The following BPGM variants were observed in gnomAD, a reference collection of about 807,000 sequenced individuals.
The protein encoded by BPGM is 2,3-bisphosphoglycerate mutase, erythrocyte.
Under a neutral mutation model 21.6 loss-of-function variants are expected in BPGM, and 15 were observed. That is an observed-to-expected ratio of 0.70 (90% CI 0.47 to 1.07). The LOEUF (loss-of-function observed/expected upper bound fraction) is 1.07. BPGM is among the 50% of genes least tolerant of loss of function. The pLI is 0.00. For missense variants in BPGM, 273 were observed against 319.0 expected (o/e 0.86, Z 1.10); for synonymous variants, 113 against 116.2 (o/e 0.97, Z 0.18).
chr7:134,648,520 G>A (rs979541344), intron 1 of BPGM, among the ~76,000 whole-genome samples: 3 of 152,050 alleles, frequency 2.0e-5, no homozygotes, highest in Admixed American at 6.6e-5. Flanking sequence ...CTCATACACC[G>A]CAGATGCTCC....
chr7:134,657,788 C>T (rs1226075545), intron 1 of BPGM, among the ~76,000 whole-genome samples: 1 of 152,092 alleles, frequency 6.6e-6, no homozygotes, highest in East Asian at 1.9e-4. Context: ...TGAGGGAGGG[C>T]TGTAAAGGTG....
chr7:134,670,657 A>T (rs7779226), intron 2 of BPGM, among the ~76,000 whole-genome samples: 84,832 of 151,848 alleles, frequency 0.56, 24,614 homozygotes, highest in East Asian at 0.77. Flanking sequence ...CTGAATCTCT[A>T]GTTTCAGCTC....
At chr7:134,649,171 ATTG>A (rs1249903813) in intron 1 of BPGM, among the ~76,000 whole-genome samples, 1 of 146,016 alleles carries the variant, frequency 6.8e-6, no homozygotes, top group Non-Finnish European at 1.5e-5. Flanking sequence ...TTACAATTAA[ATTG>A]TTTTTTTTTT....
rs959819366 is a variant in BPGM, at chr7:134,673,879, A to T, written c.602-4974A>T. Reference sequence around the variant, plus strand: ...AGTCCTGTGAGTAGAGCAGGTTTTTATTTAACCACTCTGGATCTGTTTCCT... The same window carrying T: ...AGTCCTGTGAGTAGAGCAGGTTTTTTTTTAACCACTCTGGATCTGTTTCCT... On this transcript the variant is annotated intron_variant, in intron 2 of 2. Transcript: ENST00000344924. Among the ~76,000 whole-genome samples, 3 of 120,908 alleles carry T rather than the reference A, an allele frequency of 2.5e-5. No individual in the cohort carries two copies. In the East Asian group the frequency reaches 6.8e-4, roughly 27 times the overall value. The allele number at this position is 120,908 out of a possible 152,430, so 79.3% of individuals were successfully genotyped here.
intron 1 of BPGM, among the ~76,000 whole-genome samples, chr7:134,650,174 GT>G (rs1795533805): frequency 6.6e-6 from 1 of 152,188 alleles, no homozygotes; most frequent in Non-Finnish European, 1.5e-5. Flanking sequence ...GGTGGACACA[GT>G]TTGTGTTGAT....
chr7:134,658,261 C>T (rs1477470992), intron 1 of BPGM: 1 of 152,054 alleles, frequency 6.6e-6, no homozygotes. Context: ...CATTTATTTA[C>T]TCAAAGTTTC....
At chr7:134,655,394 A>G (rs1366694500) in intron 1 of BPGM, among the ~76,000 whole-genome samples, 1 of 152,078 alleles carries the variant, frequency 6.6e-6, no homozygotes, top group Admixed American at 6.6e-5. Context: ...GGAACTGGAG[A>G]TACCCCTGTG....
chr7:134,671,420 G>A (rs1377202002), intron 2 of BPGM, among the ~76,000 whole-genome samples: 2 of 146,742 alleles, frequency 1.4e-5, no homozygotes, highest in Non-Finnish European at 3.0e-5. Context: ...GGAGTGCAGT[G>A]GTGCAATCTG....
chr7:134,672,991 G>A (rs1464935844), intron 2 of BPGM, among the ~76,000 whole-genome samples: 1 of 152,064 alleles, frequency 6.6e-6, no homozygotes, highest in Non-Finnish European at 1.5e-5. Context: ...TGGCTAACAT[G>A]GTGAAACCCC....
At chr7:134,673,680 G>T (rs918313859) in intron 2 of BPGM, among the ~76,000 whole-genome samples, 1 of 152,166 alleles carries the variant, frequency 6.6e-6, no homozygotes, top group Non-Finnish European at 1.5e-5. Context: ...ACACTGGATG[G>T]CATCAGCAGA....
rs763140803 is a variant in BPGM, at chr7:134,678,979, C to T, written c.728C>T (p.Ala243Val). 93 of 1,614,032 alleles carry T rather than the reference C, an allele frequency of 5.8e-5. No individual in the cohort carries two copies. Among genetic ancestry groups the T allele is most frequent in the Non-Finnish European group, 7.5e-5 (89 of 1,180,012 alleles). ...CTGGGTGACCAAGAGGCGATCCAAG[C>T]AGCCATTAAGAAAGTAGAAGATCAA... ...QFLGDQEAIQ[A>V]AIKKVEDQGK... The change falls in exon 3 of 3, where the codon GCA becomes GTA. Residue 243 changes from alanine (A) to valine (V), a missense_variant. Ala to Val is a moderately conservative substitution (Grantham distance 64). Coordinates refer to ENST00000344924, the MANE Select transcript of BPGM (RefSeq NM_001724.5).
intron 2 of BPGM, among the ~76,000 whole-genome samples, chr7:134,672,633 A>G (rs1312190098): frequency 1.3e-5 from 2 of 152,142 alleles, no homozygotes; most frequent in Non-Finnish European, 2.9e-5. Flanking sequence ...TGAACTGCAT[A>G]GGTTCACTTA....
At chr7:134,656,360 G>GA (rs375780158) in intron 1 of BPGM, among the ~76,000 whole-genome samples, 2 of 151,936 alleles carry the variant, frequency 1.3e-5, no homozygotes, top group African/African-American at 4.8e-5. Flanking sequence ...GACATACTGT[G>GA]AAAAAAAAGA....
intron 1 of BPGM, among the ~76,000 whole-genome samples, chr7:134,651,603 T>C (rs1795556014): frequency 6.6e-6 from 1 of 152,128 alleles, no homozygotes; most frequent in Non-Finnish European, 1.5e-5. Context: ...ATCTCAAAAA[T>C]ATTAAGAGGG....
intron 1 of BPGM, among the ~76,000 whole-genome samples, chr7:134,659,753 T>G (rs1294790757): frequency 6.6e-6 from 1 of 152,206 alleles, no homozygotes; most frequent in Non-Finnish European, 1.5e-5. Context: ...TCAACTTCAG[T>G]CATGCACCAC....
chr7:134,648,687 A>AT (rs11395166), intron 1 of BPGM, among the ~76,000 whole-genome samples: 84,781 of 149,670 alleles, frequency 0.57, 24,532 homozygotes, highest in East Asian at 0.88. Flanking sequence ...TAATTTTTGC[A>AT]TTTTTTTTTT....
chr7:134,661,624 G>A lies in BPGM; in HGVS notation c.117G>A (p.Arg39=), dbSNP rs1319777954. 1 of 1,614,146 alleles carries A rather than the reference G, an allele frequency of 6.2e-7. No homozygotes were observed. The highest frequency in any genetic ancestry group is 8.5e-7 in the Non-Finnish European group (1 of 1,180,032). Residue 39 remains arginine (R), a synonymous_variant, in exon 2 of 3, where the codon CGG becomes CGA. Coordinates refer to ENST00000344924, the MANE Select transcript of BPGM (RefSeq NM_001724.5). The surrounding 1 kb of genome is among the most constrained non-coding windows in gnomAD (Gnocchi z 4.6). ...ACAGCGAAGGAATGGAGGAAGCTCG[G>A]AACTGTGGGAAGCAACTCAAAGCGT... The part of the protein sequence containing the change: ...KLNSEGMEEA[R]NCGKQLKALN...
At chr7:134,656,609 G>A (rs1795642975) in intron 1 of BPGM, among the ~76,000 whole-genome samples, 1 of 152,152 alleles carries the variant, frequency 6.6e-6, no homozygotes, top group Non-Finnish European at 1.5e-5. Flanking sequence ...TGAAGTGGGG[G>A]CAAAGCTCCT....
intron 1 of BPGM, among the ~76,000 whole-genome samples, chr7:134,649,139 ACT>A (rs1378795108): frequency 1.3e-5 from 2 of 150,020 alleles, no homozygotes; most frequent in East Asian, 3.9e-4. Flanking sequence ...ATCCAATTGT[ACT>A]CTTTTAGTTA....
Sources: allele counts gnomAD v4.1 joint callset (sites outside exome capture counted in the v4.1 genomes callset), GRCh38; gene constraint gnomAD v4.1.1; non-coding constraint Gnocchi (gnomAD v3.1); transcripts MANE v1.5; gene names NCBI Gene and HGNC (gene_info 2026-07-23, HGNC 2026-07-21).